RNF169: variants seen among roughly 807,000 people sequenced by gnomAD.
The protein encoded by RNF169 is E3 ubiquitin-protein ligase RNF169.
In RNF169, 24 loss-of-function variants were observed where a neutral mutation model predicts 53.9. The observed-to-expected ratio is 0.45, with a 90% confidence interval of 0.32 to 0.63. The LOEUF is 0.63. RNF169 is among the 20% of genes least tolerant of loss of function. The pLI is 0.04. For synonymous variants in RNF169, 396 were observed against 363.5 expected, an observed-to-expected ratio of 1.09 and a Z score of -1.02; for missense variants, 883 against 906.2, an observed-to-expected ratio of 0.97 and a Z score of 0.33.
chr11:74,837,386 G>A lies in RNF169; in HGVS notation c.*656G>A, dbSNP rs2036273227. 6.6e-6 allele frequency: 1 copy of A among 152,266 alleles called. No homozygotes were observed. Among genetic ancestry groups the A allele is most frequent in the Non-Finnish European group, 1.5e-5 (1 of 68,078 alleles). 9.4% of individuals were successfully genotyped at this position (152,266 alleles called of 1,614,324 possible). A position where few individuals can be genotyped will look rare whatever the true frequency, so the allele number is the denominator to read the frequency against. ...ACTGGCATTAGCCCCATTTTTAGAT[G>A]ATGAAACTGCAGTGCAGATGTTCTG... On this transcript the variant is annotated 3_prime_UTR_variant, in exon 6 of 6. Transcript: ENST00000299563.
chr11:74,769,093 C>T (rs914690252), intron 1 of RNF169, among the ~76,000 whole-genome samples: 9 of 152,014 alleles, frequency 5.9e-5, no homozygotes, highest in Non-Finnish European at 1.0e-4. Flanking sequence ...AGAAGACCAA[C>T]CAGAGGCTGG....
chr11:74,773,238 G>T (rs1297687253), intron 1 of RNF169, among the ~76,000 whole-genome samples: 1 of 152,096 alleles, frequency 6.6e-6, no homozygotes, highest in African/African-American at 2.4e-5. Flanking sequence ...CATATAGTAG[G>T]TTCATAAATA....
rs193176767 is a variant in RNF169, at chr11:74,840,475, C to T, written c.*3745C>T. Reference sequence around the variant, plus strand: ...ATTTTCTCCTCTAGTGATTACAGGACATTAACATCTCTTCAGAAGCTGCTT... The same window carrying T: ...ATTTTCTCCTCTAGTGATTACAGGATATTAACATCTCTTCAGAAGCTGCTT... On this transcript the variant is annotated 3_prime_UTR_variant, in exon 6 of 6. Coordinates refer to ENST00000299563, the MANE Select transcript of RNF169 (RefSeq NM_001098638.2). The T allele has an allele frequency of 6.6e-6, 1 of 152,206 alleles. No homozygotes were observed. Among genetic ancestry groups the T allele is most frequent in the African/African-American group, 2.4e-5 (1 of 41,452 alleles). The allele number at this position is 152,206 out of a possible 1,614,324, so 9.4% of individuals were successfully genotyped here. A position where few individuals can be genotyped will look rare whatever the true frequency, so the allele number is the denominator to read the frequency against.
intron 2 of RNF169, among the ~76,000 whole-genome samples, chr11:74,798,080 T>C (rs1044344472): frequency 3.3e-5 from 5 of 152,148 alleles, no homozygotes; most frequent in African/African-American, 9.7e-5. Flanking sequence ...CTCAGGACCA[T>C]GTAATAATTG....
chr11:74,774,745 A>C (rs1193599520), intron 1 of RNF169, among the ~76,000 whole-genome samples: 1 of 152,190 alleles, frequency 6.6e-6, no homozygotes, highest in Admixed American at 6.5e-5. Flanking sequence ...ACTTGAGGTC[A>C]GGAGTTTGAG....
At chr11:74,764,299 C>T (rs7109667) in intron 1 of RNF169, among the ~76,000 whole-genome samples, 6,215 of 152,254 alleles carry the variant, frequency 0.041, 134 homozygotes, top group African/African-American at 0.058. Context: ...TTTGGGAGGC[C>T]GAGGTGGGCG....
chr11:74,826,865 C>T (rs4627109), intron 4 of RNF169, among the ~76,000 whole-genome samples: 2,320 of 152,330 alleles, frequency 0.015, 174 homozygotes, highest in Admixed American at 0.13. Context: ...GCAGCTCTGC[C>T]CCTGTGGCTT....
At chr11:74,775,740 G>A (rs1178288026) in intron 1 of RNF169, among the ~76,000 whole-genome samples, 1 of 152,146 alleles carries the variant, frequency 6.6e-6, no homozygotes, top group East Asian at 1.9e-4. Context: ...TCAAATGTGA[G>A]TTGATTATTC....
At position 74,835,896 on chromosome 11, in the gene RNF169, C is replaced by T; in HGVS notation, c.1293C>T (p.Leu431=). The change falls in exon 6 of 6, where the codon CTC becomes CTT. Residue 431 remains leucine, a synonymous_variant. Transcript: ENST00000299563. ...QTSYEASPRI[L]KKWEQIFQER... The stretch of plus-strand genomic sequence containing the variant: ...CTTATGAGGCCAGTCCACGGATCCT[C>T]AAAAAGTGGGAACAGATCTTTCAGG... The T allele has an allele frequency of 1.2e-6, 2 of 1,614,070 alleles. No homozygotes were observed. The highest frequency in any genetic ancestry group is 8.5e-7 in the Non-Finnish European group (1 of 1,179,994).
chr11:74,769,432 A>G (rs964596663), intron 1 of RNF169, among the ~76,000 whole-genome samples: 4 of 152,196 alleles, frequency 2.6e-5, no homozygotes, highest in Admixed American at 1.3e-4. Context: ...GGCCATATCT[A>G]GTAAGGTTGA....
At chr11:74,820,253 T>C (rs2035991869) in intron 4 of RNF169, among the ~76,000 whole-genome samples, 1 of 152,154 alleles carries the variant, frequency 6.6e-6, no homozygotes, top group South Asian at 2.1e-4. Flanking sequence ...AGGGAAGAAG[T>C]AGCATTGTGA....
chr11:74,779,758 A>G (rs1236785524), intron 1 of RNF169, among the ~76,000 whole-genome samples: 1 of 152,138 alleles, frequency 6.6e-6, no homozygotes, highest in Non-Finnish European at 1.5e-5. Flanking sequence ...TAAATGGTGC[A>G]TTTATTTTAA....
intron 2 of RNF169, 101 bp downstream of exon 2, chr11:74,789,800 A>T (rs948376919): frequency 7.1e-6 from 5 of 705,738 alleles, no homozygotes; most frequent in African/African-American, 1.8e-5. Flanking sequence ...AAAATTTATA[A>T]TGCAGAGCCT....
Position 74,836,487 on chromosome 11 carries a change from C to A in RNF169, c.1884C>A (p.Thr628=). ...GAGGCCGGAAAAGACACTGCAAGAC[C>A]AAGCACTTAGAACAAAATGGCTCCC... ...LRRGRKRHCK[T]KHLEQNGSLK... is the part of the protein sequence containing the mutation. The change falls in exon 6 of 6, where the codon ACC becomes ACA. Residue 628 remains threonine, a synonymous_variant. Coordinates refer to ENST00000299563, the MANE Select transcript of RNF169 (RefSeq NM_001098638.2). 1 of 1,614,168 alleles carries A rather than the reference C, an allele frequency of 6.2e-7. No homozygotes were observed. Among genetic ancestry groups the A allele is most frequent in the South Asian group, 1.1e-5 (1 of 91,078 alleles).
At chr11:74,795,790 G>C (rs561261691) in intron 2 of RNF169, among the ~76,000 whole-genome samples, 157 of 152,308 alleles carry the variant, frequency 1.0e-3, no homozygotes, top group Non-Finnish European at 1.4e-3. Context: ...CCAGGAGGTC[G>C]AGACTGAAGT....
intron 1 of RNF169, among the ~76,000 whole-genome samples, chr11:74,774,830 A>G (rs2035309688): frequency 1.3e-5 from 2 of 152,116 alleles, no homozygotes; most frequent in African/African-American, 4.8e-5. Flanking sequence ...ATGGTGGCAC[A>G]TGCCTGTAAT....
intron 1 of RNF169, among the ~76,000 whole-genome samples, chr11:74,774,941 C>CA (rs1308615174): frequency 6.6e-6 from 1 of 151,994 alleles, no homozygotes; most frequent in African/African-American, 2.4e-5. Context: ...GACTGGGTGA[C>CA]AGAGACTGGA....
intron 4 of RNF169, among the ~76,000 whole-genome samples, chr11:74,823,565 G>A (rs985042381): frequency 6.6e-6 from 1 of 151,800 alleles, no homozygotes; most frequent in African/African-American, 2.4e-5. Flanking sequence ...GCGAGACCTT[G>A]TCTCTACTAA....
chr11:74,750,865 GTTTTTTTT>G (rs35173529), intron 1 of RNF169, among the ~76,000 whole-genome samples: 6 of 60,130 alleles, frequency 1.0e-4, no homozygotes, highest in South Asian at 6.9e-4. Context: ...GCCTCCCAAG[GTTTTTTTT>G]TTTTTTTTTT....
Sources: allele counts gnomAD v4.1 joint callset (sites outside exome capture counted in the v4.1 genomes callset), GRCh38; gene constraint gnomAD v4.1.1; transcripts MANE v1.5; gene names NCBI Gene and HGNC (gene_info 2026-07-23, HGNC 2026-07-21).